The following CZIB variants were observed in gnomAD, a reference collection of about 807,000 sequenced individuals.
CZIB encodes the protein UPF0587 protein C1orf123.
CZIB carries 26 observed loss-of-function variants against 28.3 expected under a neutral mutation model. The observed-to-expected ratio is 0.92, with a 90% CI of 0.67 to 1.27. CZIB has a LOEUF of 1.27. Ranked by LOEUF, CZIB falls within the 50% of genes most tolerant of loss-of-function variation. CZIB has a pLI of 0.00. For synonymous variants in CZIB, 78 were observed against 71.1 expected (o/e 1.10, Z -0.49); for missense variants, 179 against 197.3 (o/e 0.91, Z 0.56).
chr1:53,216,048 A>G lies in CZIB; in HGVS notation c.348T>C (p.Phe116=). The G allele has an allele frequency of 6.2e-7, 1 of 1,614,170 alleles. No individual in the cohort carries two copies. Among genetic ancestry groups the G allele is most frequent in the Non-Finnish European group, 8.5e-7 (1 of 1,179,996 alleles). ...TCCCTGACTCCACACCTTCAGCAGC[A>G]AACCCAGCCTGCAGGGCACAAGAAG... ...EPVDFQPQAG[F]AAEGVESGTA... is the part of the protein sequence containing the mutation. The change falls in exon 7 of 8, where the codon TTT becomes TTC. Residue 116 remains phenylalanine, a synonymous_variant. Transcript: ENST00000294360.
chr1:53,214,764 T>G (rs778362865), intron 7 of CZIB, 28 bp from the exon 8 acceptor site: 13 of 1,598,488 alleles, frequency 8.1e-6, no homozygotes, highest in Non-Finnish European at 1.1e-5. Flanking sequence ...ATTGTTAGCC[T>G]CACAACGCAG....
At chr1:53,220,083 C>A (rs376475414) in intron 2 of CZIB, 178 bp downstream of exon 2, 4 of 601,592 alleles carry the variant, frequency 6.6e-6, no homozygotes, top group East Asian at 5.9e-5. Flanking sequence ...TCCAAGACTG[C>A]CAATTAGAGA....
rs766350177 is a variant in CZIB at position 53,220,597 on chromosome 1, C to T, written c.-22G>A. ...CCATGGTAGCCCTCTCCGCCCGGTGCTGGCTGCGGCCCTTGCCGTTGCTTT... is the reference window on the plus strand; with the variant it reads ...CCATGGTAGCCCTCTCCGCCCGGTGTTGGCTGCGGCCCTTGCCGTTGCTTT... On this transcript the variant is annotated 5_prime_UTR_variant, in exon 1 of 8. Transcript: ENST00000294360. 1.3e-6 allele frequency: 2 copies of T among 1,596,212 alleles called. No individual in the cohort carries two copies. The highest frequency in any genetic ancestry group is 2.7e-5 in the African/African-American group (2 of 74,796).
At chr1:53,219,221 T>C (rs1274865241) in intron 2 of CZIB, 1 of 397,172 alleles carries the variant, frequency 2.5e-6, no homozygotes. Context: ...GGGGGGAATA[T>C]GGAGAGATTT....
chr1:53,219,077 T>A, intron 2 of CZIB, 154 bp from the exon 3 acceptor site: 1 of 678,496 alleles, frequency 1.5e-6, no homozygotes. Context: ...AGGACAAAAC[T>A]AGAACTATCT....
rs112803850 is a variant in CZIB at position 53,218,413 on chromosome 1, C to T, written c.229+1G>A. The T allele has an allele frequency of 6.2e-7, 1 of 1,614,184 alleles. No individual in the cohort carries two copies. The highest frequency in any genetic ancestry group is 1.1e-5 in the South Asian group (1 of 91,090). ...AACTCAGTACGCACAGCCTGACCTA[C>T]CGATGGAATTTTCTCTTGCACACAG... On this transcript the variant is annotated splice_donor_variant, in intron 4 of 7. Transcript: ENST00000294360. LOFTEE classifies it high-confidence loss of function.
At chr1:53,219,958 C>G in intron 2 of CZIB, 1 of 364,826 alleles carries the variant, frequency 2.7e-6, no homozygotes, top group African/African-American at 2.1e-5. Context: ...AAACGAAAGG[C>G]GAACTATTCA....
In CZIB at chr1:53,220,260, C is replaced by A. The variant is rs1347318069; in HGVS notation, c.90+1G>T. 2.5e-5 allele frequency: 40 copies of A among 1,612,798 alleles called. No individual in the cohort carries two copies. Among genetic ancestry groups the A allele is most frequent in the Non-Finnish European group, 3.4e-5 (40 of 1,179,656 alleles). Reference sequence around the variant, plus strand: ...CTCCCCGGGCCCCGCCCCGGCCGCACCTTCAGGTACCACCGGAAGTCCTCG... The same window carrying A: ...CTCCCCGGGCCCCGCCCCGGCCGCAACTTCAGGTACCACCGGAAGTCCTCG... On this transcript the variant is annotated splice_donor_variant, in intron 2 of 7. Transcript: ENST00000294360. LOFTEE classifies it high-confidence loss of function.
chr1:53,216,669 C>T (rs943269359), intron 6 of CZIB, 113 bp downstream of exon 6: 10 of 958,516 alleles, frequency 1.0e-5, no homozygotes, highest in Middle Eastern at 2.2e-4. Context: ...TTATTACTAC[C>T]GCTAGAAAGG....
intron 6 of CZIB, 83 bp from the exon 7 acceptor site, chr1:53,216,139 C>T (rs1206508437): frequency 7.9e-7 from 1 of 1,263,728 alleles, no homozygotes; most frequent in African/African-American, 1.5e-5. Context: ...GCTGCTGGCT[C>T]TTCTCACACT....
At chr1:53,216,461 G>A (rs903479828) in intron 6 of CZIB, among the ~76,000 whole-genome samples, 2 of 152,224 alleles carry the variant, frequency 1.3e-5, no homozygotes, top group African/African-American at 4.8e-5. Flanking sequence ...ACCAGCTCAA[G>A]TCAGATAGAT....
At chr1:53,219,197 C>G in intron 2 of CZIB, 1 of 427,390 alleles carries the variant, frequency 2.3e-6, no homozygotes, top group Non-Finnish European at 4.1e-6. Context: ...GAAATGGTTT[C>G]AGCGGAGGTG....
At chr1:53,220,547 C>G (rs376948191) in intron 1 of CZIB, 23 bp downstream of exon 1, 1 of 1,599,646 alleles carries the variant, frequency 6.3e-7, no homozygotes, top group South Asian at 1.1e-5. Flanking sequence ...TCCGTGTCCC[C>G]GCGGCGGGCG....
At chr1:53,218,995 T>G in intron 2 of CZIB, 72 bp from the exon 3 acceptor site, 2 of 1,329,592 alleles carry the variant, frequency 1.5e-6, no homozygotes, top group Non-Finnish European at 2.2e-6. Context: ...GTAAGAACAG[T>G]GGGAGGTGGG....
intron 6 of CZIB, 43 bp downstream of exon 6, chr1:53,216,739 C>T (rs749953393): frequency 6.4e-7 from 1 of 1,561,210 alleles, no homozygotes; most frequent in Admixed American, 1.7e-5. Flanking sequence ...TTCATACATC[C>T]CCTCCCCAAA....
In CZIB at chr1:53,218,528, T is replaced by G. The variant is rs200900856; in HGVS notation, c.148-33A>C. 24 of 1,603,770 alleles carry G rather than the reference T, an allele frequency of 1.5e-5. No individual in the cohort carries two copies. The African/African-American group carries it at 2.8e-4, about 19-fold the overall frequency. On this transcript the variant is annotated intron_variant, in intron 3 of 7. Coordinates refer to ENST00000294360, the MANE Select transcript of CZIB (RefSeq NM_017887.3). ...AAAGCAAACAGAACTTTCAGTCACA[T>G]ATGAATTAGATGTACAGTCCTGAGG...
intron 5 of CZIB, 138 bp downstream of exon 5, chr1:53,218,034 A>G: frequency 2.2e-6 from 2 of 896,690 alleles, no homozygotes; most frequent in Non-Finnish European, 3.5e-6. Flanking sequence ...TAAATGACTG[A>G]GTCAAAGAAG....
intron 7 of CZIB, 149 bp from the exon 8 acceptor site, chr1:53,214,885 C>A: frequency 1.7e-6 from 1 of 581,290 alleles, no homozygotes; most frequent in Non-Finnish European, 3.0e-6. Flanking sequence ...TAGCTCAGGC[C>A]TGAATTCTAG....
chr1:53,219,035 A>G lies in CZIB; in HGVS notation c.91-112T>C. The G allele has an allele frequency of 5.0e-5, 43 of 854,724 alleles. 2 individuals are homozygous for G. The South Asian group carries it at 6.1e-4, about 12-fold the overall frequency. The allele number at this position is 854,724 out of a possible 1,614,324, so 52.9% of individuals were successfully genotyped here. A position where few individuals can be genotyped will look rare whatever the true frequency, so the allele number is the denominator to read the frequency against. On this transcript the variant is annotated intron_variant, in intron 2 of 7. Coordinates refer to ENST00000294360, the MANE Select transcript of CZIB (RefSeq NM_017887.3). ...CTCATGATCTACCTTCTTGATGGCA[A>G]TCTCACTTCATCCCTAACACCTGCC...
Sources: gnomAD v4.1 joint callset for allele counts (sites outside exome capture counted in the v4.1 genomes callset) on GRCh38, gnomAD v4.1.1 for gene constraint, MANE v1.5 for transcripts, NCBI Gene and HGNC (gene_info 2026-07-23, HGNC 2026-07-21) for gene names.